The following ATP6V1H variants were observed in gnomAD, a reference collection of about 807,000 sequenced individuals.
ATP6V1H encodes the protein ATPase H+ transporting V1 subunit H.
Under a neutral mutation model 71.7 loss-of-function variants are expected in ATP6V1H, and 39 were observed. The ratio of observed to expected loss-of-function variants is 0.54; its 90% CI spans 0.42 to 0.71. The LOEUF (loss-of-function observed/expected upper bound fraction) is 0.71, where lower values mean the gene tolerates loss of function less well. Among genes scored for constraint, ATP6V1H ranks in the 30% least tolerant of loss-of-function variants. ATP6V1H has a pLI of 0.00. For missense variants in ATP6V1H, 509 were observed against 594.9 expected (o/e 0.86, Z 1.50); for synonymous variants, 192 against 199.3 (o/e 0.96, Z 0.31).
At chr8:53,799,083 G>A (rs982701263) in intron 8 of ATP6V1H, among the ~76,000 whole-genome samples, 1 of 151,868 alleles carries the variant, frequency 6.6e-6, no homozygotes, top group African/African-American at 2.4e-5. Context: ...GTCCTCCATA[G>A]GGAGAAAAAA....
chr8:53,726,665 AG>A (rs1050069237), intron 13 of ATP6V1H, among the ~76,000 whole-genome samples: 5 of 152,244 alleles, frequency 3.3e-5, no homozygotes, highest in Admixed American at 1.3e-4. Context: ...ATCTCTAAAC[AG>A]GAGAACATCT....
In ATP6V1H at chr8:53,716,113, ATACT is replaced by A. The variant is rs1806415363; in HGVS notation, c.1392-93_1392-90del. On this transcript the variant is annotated intron_variant, in intron 13 of 13. Transcript: ENST00000359530. Reference sequence around the variant, plus strand: ...TGAAACACATTATGCACTGTCATATATACTTACTTTAACATCCAAAAATAACTAA... The same window carrying A: ...TGAAACACATTATGCACTGTCATATATACTTTAACATCCAAAAATAACTAA... 3 of 985,502 alleles carry A rather than the reference ATACT, an allele frequency of 3.0e-6. No homozygotes were observed. In the Admixed American group the frequency reaches 8.4e-5, roughly 28 times the overall value. 61.0% of individuals were successfully genotyped at this position (985,502 alleles called of 1,614,324 possible).
chr8:53,806,329 T>C lies in ATP6V1H; in HGVS notation c.580-4433A>G, dbSNP rs141586616. On this transcript the variant is annotated intron_variant, in intron 7 of 13. Coordinates refer to ENST00000359530, the MANE Select transcript of ATP6V1H (RefSeq NM_015941.4). ...AAACAATTGTAAAATATACTATTAT[T>C]ATCAATATTCAGGAATTAAAATACA... Among the ~76,000 whole-genome samples the C allele has an allele frequency of 2.2e-3, 340 of 152,238 alleles. 2 individuals carry two copies. Among genetic ancestry groups the C allele is most frequent in the African/African-American group, 7.8e-3 (326 of 41,566 alleles).
intron 13 of ATP6V1H, among the ~76,000 whole-genome samples, chr8:53,741,636 G>C (rs1421992585): frequency 6.6e-6 from 1 of 152,154 alleles, no homozygotes; most frequent in Admixed American, 6.5e-5. Flanking sequence ...GAAAAATCTG[G>C]CTTGGGGTAA....
chr8:53,776,080 C>T (rs180729756), intron 9 of ATP6V1H, among the ~76,000 whole-genome samples: 1 of 152,366 alleles, frequency 6.6e-6, no homozygotes, highest in African/African-American at 2.4e-5. Context: ...AAATCGAGCG[C>T]AGCGCCGGTG....
intron 13 of ATP6V1H, among the ~76,000 whole-genome samples, chr8:53,741,160 G>C (rs1807400460): frequency 6.6e-6 from 1 of 152,062 alleles, no homozygotes. Context: ...ATCACACACA[G>C]AAAAATGTAC....
intron 9 of ATP6V1H, among the ~76,000 whole-genome samples, chr8:53,784,479 G>A (rs1190416912): frequency 6.6e-6 from 1 of 152,082 alleles, no homozygotes; most frequent in Admixed American, 6.6e-5. Flanking sequence ...GATGGGTCTT[G>A]ACTCTTTATC....
chr8:53,781,072 G>A (rs1436810458), intron 9 of ATP6V1H, among the ~76,000 whole-genome samples: 1 of 152,118 alleles, frequency 6.6e-6, no homozygotes, highest in Non-Finnish European at 1.5e-5. Context: ...GGGATGGCTG[G>A]GTCAAATGGT....
At chr8:53,803,368 A>C (rs1259362556) in intron 7 of ATP6V1H, among the ~76,000 whole-genome samples, 2 of 152,084 alleles carry the variant, frequency 1.3e-5, no homozygotes, top group Non-Finnish European at 2.9e-5. Context: ...GAAGAAGAAG[A>C]GAAAGGAAAA....
rs544765706 is a variant in ATP6V1H, at chr8:53,776,331, G to A, written c.871-4164C>T. Among the ~76,000 whole-genome samples, 321 of 152,296 alleles carry A rather than the reference G, an allele frequency of 2.1e-3. 1 individual carries two copies. Among genetic ancestry groups the A allele is most frequent in the African/African-American group, 7.2e-3 (301 of 41,566 alleles). On this transcript the variant is annotated intron_variant, in intron 9 of 13. Coordinates refer to ENST00000359530, the MANE Select transcript of ATP6V1H (RefSeq NM_015941.4). ...GAGTGGGCTCTGGCCTTGGCCAGCC[G>A]AGAAAGGGGCTCCCACAGTGCAGCG...
chr8:53,815,804 C>T (rs1445216993), intron 5 of ATP6V1H, among the ~76,000 whole-genome samples: 3 of 152,162 alleles, frequency 2.0e-5, no homozygotes, highest in Non-Finnish European at 4.4e-5. Context: ...ATGCACAAGA[C>T]AAAGGAACAA....
intron 12 of ATP6V1H, among the ~76,000 whole-genome samples, chr8:53,747,366 C>T (rs1460615591): frequency 1.3e-5 from 2 of 152,098 alleles, no homozygotes; most frequent in Admixed American, 1.3e-4. Context: ...GAAACCATGC[C>T]TATTTTCGTT....
At chr8:53,735,254 A>G (rs80249124) in intron 13 of ATP6V1H, among the ~76,000 whole-genome samples, 1 of 152,176 alleles carries the variant, frequency 6.6e-6, no homozygotes, top group Non-Finnish European at 1.5e-5. Context: ...ATACAAACTG[A>G]AAAAGCTCGT....
chr8:53,820,275 G>C (rs1810603090), intron 4 of ATP6V1H, among the ~76,000 whole-genome samples: 2 of 151,516 alleles, frequency 1.3e-5, no homozygotes, highest in Admixed American at 1.3e-4. Context: ...TCATTTTTGA[G>C]AGATAATAAG....
At chr8:53,801,769 T>C (rs1340268898) in intron 8 of ATP6V1H, 30 bp downstream of exon 8, 2 of 1,525,072 alleles carry the variant, frequency 1.3e-6, no homozygotes. Context: ...TTGTAAATGT[T>C]ATTTTACATT....
chr8:53,749,430 G>T (rs1162073741), intron 12 of ATP6V1H, among the ~76,000 whole-genome samples: 1 of 152,124 alleles, frequency 6.6e-6, no homozygotes, highest in Non-Finnish European at 1.5e-5. Flanking sequence ...TTCAGTGAGG[G>T]TGCTGTTTCA....
At chr8:53,770,614 C>T (rs1464890445) in intron 10 of ATP6V1H, among the ~76,000 whole-genome samples, 7 of 152,148 alleles carry the variant, frequency 4.6e-5, no homozygotes, top group Non-Finnish European at 1.0e-4. Context: ...TTTTAATATT[C>T]ATATCCTAAT....
At chr8:53,724,808 G>A (rs1347711117) in intron 13 of ATP6V1H, among the ~76,000 whole-genome samples, 1 of 150,396 alleles carries the variant, frequency 6.6e-6, no homozygotes, top group African/African-American at 2.5e-5. Context: ...TCCGATTACT[G>A]TTCTCTTGAA....
intron 9 of ATP6V1H, among the ~76,000 whole-genome samples, chr8:53,795,076 A>G (rs1162948985): frequency 6.6e-6 from 1 of 152,202 alleles, no homozygotes; most frequent in Non-Finnish European, 1.5e-5. Flanking sequence ...TCGGTAGCCA[A>G]TTAGCAACGT....
Sources: gnomAD v4.1 joint callset for allele counts (sites outside exome capture counted in the v4.1 genomes callset) on GRCh38, gnomAD v4.1.1 for gene constraint, MANE v1.5 for transcripts, NCBI Gene and HGNC (gene_info 2026-07-23, HGNC 2026-07-21) for gene names.